The following DPYSL4 variants were observed in gnomAD, a reference collection of about 807,000 sequenced individuals.
The protein encoded by DPYSL4 is dihydropyrimidinase-related protein 4.
DPYSL4 carries 43 observed loss-of-function variants against 63.4 expected under a neutral mutation model. That is an observed-to-expected ratio of 0.68 (90% CI 0.53 to 0.88). The LOEUF (loss-of-function observed/expected upper bound fraction) is 0.88, where lower values mean the gene tolerates loss of function less well. Among genes scored for constraint, DPYSL4 ranks in the 40% least tolerant of loss-of-function variants. DPYSL4 has a pLI of 0.00. For synonymous variants in DPYSL4, 353 were observed against 331.7 expected, an observed-to-expected ratio of 1.06 and a Z score of -0.70; for missense variants, 733 against 819.5, an observed-to-expected ratio of 0.89 and a Z score of 1.29.
chr10:132,194,421 T>C (rs1361914563), intron 3 of DPYSL4, among the ~76,000 whole-genome samples: 1 of 152,170 alleles, frequency 6.6e-6, no homozygotes, highest in African/African-American at 2.4e-5. Flanking sequence ...CTCCCACTGT[T>C]CTAGGAAGGC....
chr10:132,195,054 G>A (rs774014513), intron 4 of DPYSL4, 45 bp downstream of exon 4: 1 of 1,576,096 alleles, frequency 6.3e-7, no homozygotes, highest in East Asian at 2.3e-5. Flanking sequence ...GGAGCCTGGT[G>A]GAGGAGCCTC....
At chr10:132,194,782 G>A (rs2061920149) in intron 3 of DPYSL4, 63 bp from the exon 4 acceptor site, 12 of 1,575,792 alleles carry the variant, frequency 7.6e-6, no homozygotes, top group Non-Finnish European at 1.0e-5. Flanking sequence ...ATCTCCCATG[G>A]AGGAGGCAGA....
intron 7 of DPYSL4, 114 bp downstream of exon 7, chr10:132,198,597 G>C (rs551607173): frequency 2.5e-5 from 30 of 1,180,548 alleles, no homozygotes; most frequent in Non-Finnish European, 3.4e-5. Flanking sequence ...TGCTCGCCCC[G>C]ACCTCATCTG....
intron 1 of DPYSL4, 71 bp downstream of exon 1, chr10:132,187,173 C>T (rs2061806712): frequency 4.2e-6 from 5 of 1,198,634 alleles, no homozygotes; most frequent in African/African-American, 1.6e-5. Flanking sequence ...GCCGGGCGGA[C>T]CCTCCTGGTC....
intron 12 of DPYSL4, chr10:132,203,492 A>G: frequency 2.0e-6 from 1 of 502,744 alleles, no homozygotes; most frequent in Non-Finnish European, 3.6e-6. Flanking sequence ...GGTAAGACTG[A>G]GGGGAGGGAC....
At position 132,203,793 on chromosome 10, in the gene DPYSL4, TGTATGACGGGCCC is replaced by T; in HGVS notation, c.1496_1508del (p.Tyr499SerfsTer4). 1 of 1,612,034 alleles carries T rather than the reference TGTATGACGGGCCC, an allele frequency of 6.2e-7. No individual in the cohort carries two copies. The highest frequency in any genetic ancestry group is 8.5e-7 in the Non-Finnish European group (1 of 1,179,368). ...GAGATCCACGGTGTGCCCCGTGGAC[TGTATGACGGGCCC>T]GTCCACGAGGTGATGGTGCCTGCCA... On this transcript the variant is annotated frameshift_variant, in exon 13 of 14. Transcript: ENST00000338492. LOFTEE classifies it high-confidence loss of function.
chr10:132,194,830 A>C lies in DPYSL4; in HGVS notation c.314-15A>C, dbSNP rs2279522. ...GGACCAGTGGGGGAAGCTGCTGACC[A>C]TGCTGCCTTCACAGTGGACCACGTC... On this transcript the variant is annotated splice_polypyrimidine_tract_variant and intron_variant, in intron 3 of 13. Coordinates refer to ENST00000338492, the MANE Select transcript of DPYSL4 (RefSeq NM_006426.3). The C allele has an allele frequency of 5.6e-3, 9,026 of 1,609,838 alleles. 588 individuals carry two copies. The East Asian group carries it at 0.16, about 29-fold the overall frequency.
intron 2 of DPYSL4, among the ~76,000 whole-genome samples, chr10:132,192,065 A>C (rs201562806): frequency 2.7e-5 from 1 of 37,526 alleles, no homozygotes; most frequent in African/African-American, 7.8e-5. Context: ...AGGTGAAAAT[A>C]GTTCCCAGCT....
chr10:132,201,638 C>T (rs1013724766), intron 10 of DPYSL4, among the ~76,000 whole-genome samples: 2 of 152,250 alleles, frequency 1.3e-5, no homozygotes, highest in Non-Finnish European at 2.9e-5. Flanking sequence ...TGAGTGTTGC[C>T]ATGGCGAGGG....
At chr10:132,199,839 G>C (rs1248076954) in intron 8 of DPYSL4, among the ~76,000 whole-genome samples, 4 of 151,910 alleles carry the variant, frequency 2.6e-5, no homozygotes, top group Non-Finnish European at 5.9e-5. Flanking sequence ...CCTCACTCAG[G>C]ACACCAAGCA....
At chr10:132,194,545 C>T (rs1409056161) in intron 3 of DPYSL4, among the ~76,000 whole-genome samples, 3 of 152,244 alleles carry the variant, frequency 2.0e-5, no homozygotes, top group African/African-American at 7.2e-5. Context: ...ACCTCCTGTG[C>T]TCCTCCAAGT....
At chr10:132,203,280 G>GCC (rs34104193) in intron 12 of DPYSL4, among the ~76,000 whole-genome samples, 1 of 151,138 alleles carries the variant, frequency 6.6e-6, no homozygotes, top group Admixed American at 6.6e-5. Flanking sequence ...AGCCACGGGA[G>GCC]CCCCCCCCCC....
At position 132,187,808 on chromosome 10, in the gene DPYSL4, C is replaced by T. The variant is rs1233107278; in HGVS notation, c.39+706C>T. ...CCTCCCCAACACCCACACGCACCGG[C>T]GCGGGAGGTCCCGCTCTGCCAGAAA... On this transcript the variant is annotated intron_variant, in intron 1 of 13. Transcript: ENST00000338492. 2.0e-5 allele frequency among the ~76,000 whole-genome samples: 3 copies of T among 152,214 alleles called. No homozygotes were observed. In the East Asian group the frequency reaches 5.8e-4, roughly 29 times the overall value.
chr10:132,194,874 A>G lies in DPYSL4; in HGVS notation c.343A>G (p.Ser115Gly). 6.2e-7 allele frequency: 1 copy of G among 1,612,774 alleles called. No homozygotes were observed. The highest frequency in any genetic ancestry group is 1.1e-5 in the South Asian group (1 of 91,046). The change falls in exon 4 of 14, where the codon AGC becomes GGC. Residue 115 changes from serine (S) to glycine (G), a missense_variant. Ser to Gly is a moderately conservative substitution (Grantham distance 56). Coordinates refer to ENST00000338492, the MANE Select transcript of DPYSL4 (RefSeq NM_006426.3). ...CCACGTCTTCCCCGACACGGGTGTG[A>G]GCCTGCTGGCGGCCTACGAGCAGTG... ...LDHVFPDTGV[S>G]LLAAYEQWRE...
chr10:132,198,841 T>C lies in DPYSL4; in HGVS notation c.691-10T>C. ...CTCGTGTGGCCTCATCCCTCTCATC[T>C]CGTCCCCAGGTGGAGGCTGAGGCGG... On this transcript the variant is annotated splice_polypyrimidine_tract_variant and intron_variant, in intron 7 of 13. Coordinates refer to ENST00000338492, the MANE Select transcript of DPYSL4 (RefSeq NM_006426.3). 1 of 1,612,674 alleles carries C rather than the reference T, an allele frequency of 6.2e-7. No homozygotes were observed. The highest frequency in any genetic ancestry group is 8.5e-7 in the Non-Finnish European group (1 of 1,179,790).
At position 132,187,012 on chromosome 10, in the gene DPYSL4, C is replaced by CCCCCCCCTT; in HGVS notation, c.-52_-51insCCCCCCCTT. ...TCACGCGTCCCCCCGCCCGCCCGCC[C>CCCCCCCCTT]GCCCGCCCGCCCCCGCTTGTGCCGC... On this transcript the variant is annotated 5_prime_UTR_variant, in exon 1 of 14. Transcript: ENST00000338492. 4.5e-6 allele frequency: 1 copy of CCCCCCCCTT among 222,370 alleles called. No individual in the cohort carries two copies. Among genetic ancestry groups the CCCCCCCCTT allele is most frequent in the South Asian group, 7.2e-5 (1 of 13,794 alleles). 13.8% of individuals were successfully genotyped at this position (222,370 alleles called of 1,614,324 possible). A position where few individuals can be genotyped will look rare whatever the true frequency, so the allele number is the denominator to read the frequency against.
At chr10:132,192,341 A>G (rs2061889056) in intron 2 of DPYSL4, 4 of 1,027,334 alleles carry the variant, frequency 3.9e-6, no homozygotes, top group Non-Finnish European at 4.7e-6. Context: ...GCCCACATCT[A>G]TTAGCGCACC....
rs116721739 is a variant in DPYSL4 at position 132,192,237 on chromosome 10, G to A, written c.129-421G>A. On this transcript the variant is annotated intron_variant, in intron 2 of 13. Transcript: ENST00000338492. ...GGGCAGAGGTATGTTGGGTGGCTGTGGGCGAAAGCAGGACACCAGCTTCCA... is the reference window on the plus strand; with the variant it reads ...GGGCAGAGGTATGTTGGGTGGCTGTAGGCGAAAGCAGGACACCAGCTTCCA... 1,894 of 878,232 alleles carry A rather than the reference G, an allele frequency of 2.2e-3. 28 individuals carry two copies. The African/African-American group carries it at 0.032, about 15-fold the overall frequency. 54.4% of individuals were successfully genotyped at this position (878,232 alleles called of 1,614,324 possible).
intron 12 of DPYSL4, among the ~76,000 whole-genome samples, chr10:132,203,283 C>A (rs924035685): frequency 2.0e-5 from 3 of 151,942 alleles, no homozygotes; most frequent in East Asian, 1.9e-4. Flanking sequence ...CACGGGAGCC[C>A]CCCCCCCATG....
Sources: gnomAD v4.1 joint callset for allele counts (sites outside exome capture counted in the v4.1 genomes callset) on GRCh38, gnomAD v4.1.1 for gene constraint, MANE v1.5 for transcripts, NCBI Gene and HGNC (gene_info 2026-07-23, HGNC 2026-07-21) for gene names.